Variants in NT5C2 observed in about 807,000 individuals in gnomAD.
NT5C2 encodes the protein 5'-nucleotidase, cytosolic II, also known as cytosolic purine 5'-nucleotidase.
NT5C2 carries 58 observed loss-of-function variants against 76.1 expected under a neutral mutation model. That is an observed-to-expected ratio of 0.76 (90% CI 0.62 to 0.95). The LOEUF is 0.95. NT5C2 is among the 40% of genes least tolerant of loss of function. The pLI, the probability that NT5C2 is intolerant of heterozygous loss-of-function variation, is 0.00. For missense variants in NT5C2, 478 were observed against 690.3 expected (o/e 0.69, Z 3.45); for synonymous variants, 229 against 237.4 (o/e 0.96, Z 0.32).
At chr10:103,129,539 C>CT (rs1429275096) in intron 4 of NT5C2, among the ~76,000 whole-genome samples, 1 of 119,208 alleles carries the variant, frequency 8.4e-6, no homozygotes, top group African/African-American at 3.1e-5. Flanking sequence ...GGGTCAGCCC[C>CT]CCGCCCGGCC....
chr10:103,182,278 A>G (rs2135273077), intron 1 of NT5C2, among the ~76,000 whole-genome samples: 1 of 152,318 alleles, frequency 6.6e-6, no homozygotes, highest in Admixed American at 6.5e-5. Flanking sequence ...ATGTCAACAT[A>G]GATAATAGGG....
At chr10:103,111,716 A>T in intron 4 of NT5C2, 1 of 1,227,318 alleles carries the variant, frequency 8.1e-7, no homozygotes, top group African/African-American at 1.6e-5. Flanking sequence ...CCAGCCTAGC[A>T]GAGTGCTGCT....
intron 3 of NT5C2, among the ~76,000 whole-genome samples, chr10:103,144,562 T>G (rs1276399639): frequency 6.6e-6 from 1 of 152,218 alleles, no homozygotes; most frequent in Admixed American, 6.5e-5. Context: ...ATTCAAAGAT[T>G]ATAATGTACC....
chr10:103,113,628 T>C (rs969862981), intron 4 of NT5C2, among the ~76,000 whole-genome samples: 1 of 152,156 alleles, frequency 6.6e-6, no homozygotes, highest in Non-Finnish European at 1.5e-5. Flanking sequence ...CAAAATAATG[T>C]ATGATCCTGG....
chr10:103,188,773 G>A (rs2092342764), intron 1 of NT5C2, among the ~76,000 whole-genome samples: 1 of 152,158 alleles, frequency 6.6e-6, no homozygotes. Context: ...AGGCTGAGGT[G>A]GGCAGGTCAC....
At chr10:103,092,646 A>G (rs956691844) in intron 15 of NT5C2, among the ~76,000 whole-genome samples, 2 of 152,218 alleles carry the variant, frequency 1.3e-5, no homozygotes, top group African/African-American at 4.8e-5. Context: ...CAGTGTGTAT[A>G]CTGCATATAC....
At chr10:103,134,004 T>C (rs536093589) in intron 4 of NT5C2, among the ~76,000 whole-genome samples, 13 of 152,230 alleles carry the variant, frequency 8.5e-5, no homozygotes, top group Admixed American at 2.6e-4. Flanking sequence ...ATGGAAGAAA[T>C]TTCTAAGCAG....
intron 4 of NT5C2, among the ~76,000 whole-genome samples, chr10:103,129,473 AT>A (rs2077511129): frequency 1.5e-5 from 1 of 66,116 alleles, no homozygotes; most frequent in Non-Finnish European, 3.0e-5. Flanking sequence ...CGGGAGGGAG[AT>A]GGGGGGGTCA....
intron 5 of NT5C2, 57 bp from the exon 6 acceptor site, chr10:103,105,858 TGTA>T (rs1362459534): frequency 4.2e-6 from 5 of 1,203,348 alleles, no homozygotes; most frequent in Non-Finnish European, 6.2e-6. Flanking sequence ...AATAATTTTA[TGTA>T]GTAGTATTTA....
intron 9 of NT5C2, 96 bp downstream of exon 9, chr10:103,099,830 T>TAAAAAA: frequency 1.3e-6 from 1 of 771,048 alleles, no homozygotes; most frequent in East Asian, 2.6e-5. Context: ...TTTCTTTTTT[T>TAAAAAA]AAAAAAAGAA....
intron 4 of NT5C2, among the ~76,000 whole-genome samples, chr10:103,132,727 T>A (rs1467542247): frequency 6.6e-6 from 1 of 152,092 alleles, no homozygotes; most frequent in Non-Finnish European, 1.5e-5. Flanking sequence ...TTTTTGTATT[T>A]TTTTAGTAGA....
chr10:103,150,646 G>A (rs2082239346), intron 3 of NT5C2, among the ~76,000 whole-genome samples: 1 of 152,142 alleles, frequency 6.6e-6, no homozygotes, highest in South Asian at 2.1e-4. Context: ...AGTTACCATT[G>A]CTCCACAGTC....
intron 6 of NT5C2, among the ~76,000 whole-genome samples, chr10:103,103,992 C>CAAAGGCATGT (rs2070497889): frequency 6.6e-6 from 1 of 152,104 alleles, no homozygotes; most frequent in Admixed American, 6.6e-5. Context: ...TAGCTGGGAC[C>CAAAGGCATGT]AAAGGCATGT....
At chr10:103,176,340 G>A (rs1307745053) in intron 2 of NT5C2, among the ~76,000 whole-genome samples, 1 of 152,054 alleles carries the variant, frequency 6.6e-6, no homozygotes, top group Non-Finnish European at 1.5e-5. Context: ...TCCTCGCCTT[G>A]GCCCTACCTC....
intron 4 of NT5C2, among the ~76,000 whole-genome samples, chr10:103,128,267 G>C (rs1431709640): frequency 1.3e-5 from 2 of 150,578 alleles, no homozygotes; most frequent in Non-Finnish European, 3.0e-5. Context: ...GGGTTTCGCT[G>C]TGTTGGCCGG....
chr10:103,100,935 C>T (rs1455439918), intron 8 of NT5C2, 110 bp downstream of exon 8: 1 of 746,568 alleles, frequency 1.3e-6, no homozygotes, highest in African/African-American at 1.7e-5. Flanking sequence ...CTCACTAGCA[C>T]TAAATTCACT....
intron 6 of NT5C2, among the ~76,000 whole-genome samples, chr10:103,104,643 G>A (rs2070723494): frequency 1.3e-5 from 2 of 152,146 alleles, no homozygotes; most frequent in Admixed American, 6.5e-5. Flanking sequence ...ACTTCACACC[G>A]TTCTCATGTA....
intron 1 of NT5C2, among the ~76,000 whole-genome samples, chr10:103,184,850 A>C (rs1174525109): frequency 1.3e-5 from 2 of 152,220 alleles, no homozygotes; most frequent in Non-Finnish European, 2.9e-5. Flanking sequence ...AAAGTTGAGA[A>C]GAGAGAACTT....
intron 3 of NT5C2, among the ~76,000 whole-genome samples, chr10:103,170,414 A>T (rs1415636860): frequency 6.6e-6 from 1 of 152,146 alleles, no homozygotes; most frequent in African/African-American, 2.4e-5. Context: ...TATATGAAAG[A>T]ACGTAGGGTA....
Sources: allele counts gnomAD v4.1 joint callset (sites outside exome capture counted in the v4.1 genomes callset), GRCh38; gene constraint gnomAD v4.1.1; transcripts MANE v1.5; gene names NCBI Gene and HGNC (gene_info 2026-07-23, HGNC 2026-07-21).